RP2: variants seen among roughly 807,000 people sequenced by gnomAD.
RP2 encodes protein XRP2.
A neutral mutation model predicts 20.3 loss-of-function variants in RP2; 3 were observed. The observed-to-expected ratio is 0.15, with a 90% CI of 0.07 to 0.38. RP2 has a LOEUF of 0.38. Ranked by LOEUF, RP2 falls within the 10% of genes least tolerant of loss-of-function variation. The pLI, the probability that RP2 is intolerant of heterozygous loss-of-function variation, is 1.00. For synonymous variants in RP2, 75 were observed against 94.8 expected (o/e 0.79, Z 1.22); for missense variants, 233 against 268.5 (o/e 0.87, Z 0.92).
At chrX:46,864,477 C>T (rs1925132723) in intron 3 of RP2, among the ~76,000 whole-genome samples, 1 of 108,163 alleles carries the variant, frequency 9.2e-6, no homozygotes, top group Non-Finnish European at 1.9e-5. Flanking sequence ...CTCCGGAGCT[C>T]GAGCAATCCT....
chrX:46,863,468 C>T (rs1228729192), intron 3 of RP2, among the ~76,000 whole-genome samples: 9 of 112,009 alleles, frequency 8.0e-5, no homozygotes, highest in African/African-American at 2.3e-4. Flanking sequence ...CTCAGCAGTG[C>T]GCTGATTCCT....
chrX:46,838,552 A>G (rs958027048), intron 1 of RP2, among the ~76,000 whole-genome samples: 4 of 112,922 alleles, frequency 3.5e-5, no homozygotes, highest in African/African-American at 9.6e-5. Context: ...AGAAAGTTGC[A>G]TATTTCATTT....
intron 1 of RP2, among the ~76,000 whole-genome samples, chrX:46,851,701 G>A (rs1924863573): frequency 9.0e-6 from 1 of 111,386 alleles, no homozygotes; most frequent in Non-Finnish European, 1.9e-5. Context: ...GGAGGCCGAG[G>A]CAGGTGGATC....
chrX:46,851,444 C>A (rs1170653262), intron 1 of RP2, among the ~76,000 whole-genome samples: 2 of 107,330 alleles, frequency 1.9e-5, no homozygotes, highest in Non-Finnish European at 3.8e-5. Flanking sequence ...TAAGACCAGC[C>A]CGGCTAACAT....
chrX:46,853,935 C>T lies in RP2; in HGVS notation c.562C>T (p.Leu188Phe), dbSNP rs1309840769. Residue 188 changes from leucine (L) to phenylalanine (F), a missense_variant, in exon 2 of 5, where the codon CTT becomes TTT. Physicochemically the swap from Leu to Phe is conservative, Grantham distance 22. Around this residue, in one of 3 missense-constraint regions of RP2, gnomAD observed 38 missense variants for 72.9 expected, o/e 0.52. Transcript: ENST00000218340. ...TPVSGELNWS[L>F]LPEDAVVQDY... ...TGTGTCAGGAGAACTCAACTGGAGC[C>T]TTCTTCCAGAAGATGCTGTGGTTCA... The T allele has an allele frequency of 8.3e-7, 1 of 1,211,730 alleles. No homozygotes were observed. Among genetic ancestry groups the T allele is most frequent in the South Asian group, 1.8e-5 (1 of 56,986 alleles).
In RP2 at chrX:46,879,830, G is replaced by T. The variant is rs1925441665; in HGVS notation, c.*61G>T. 2 of 688,772 alleles carry T rather than the reference G, an allele frequency of 2.9e-6. No individual in the cohort carries two copies. The highest frequency in any genetic ancestry group is 5.5e-5 in the Admixed American group (2 of 36,331). 56.8% of individuals were successfully genotyped at this position (688,772 alleles called of 1,213,427 possible). A position where few individuals can be genotyped will look rare whatever the true frequency, so the allele number is the denominator to read the frequency against. ...TTCCCAACTTGTGAATATAGAATTT[G>T]ATAATACACTTTTGTGTATTAGCAA... On this transcript the variant is annotated 3_prime_UTR_variant, in exon 5 of 5. Transcript: ENST00000218340.
chrX:46,850,126 G>A (rs1042485180), intron 1 of RP2, among the ~76,000 whole-genome samples: 4 of 112,166 alleles, frequency 3.6e-5, no homozygotes, highest in African/African-American at 1.3e-4. Flanking sequence ...AGCCTGGGAA[G>A]TCCAAGATCA....
At chrX:46,875,588 C>T (rs1236455622) in intron 3 of RP2, among the ~76,000 whole-genome samples, 1 of 111,049 alleles carries the variant, frequency 9.0e-6, no homozygotes, top group African/African-American at 3.3e-5. Context: ...TCATTATGAA[C>T]TCATGACTTT....
chrX:46,872,958 T>TG (rs1241749600), intron 3 of RP2, among the ~76,000 whole-genome samples: 1 of 111,232 alleles, frequency 9.0e-6, no homozygotes, highest in Non-Finnish European at 1.9e-5. Context: ...AGGCTGGTCT[T>TG]GAACTCCTGG....
Position 46,868,367 on chromosome X carries a change from G to GA in RP2, c.883+8275dup, listed in dbSNP as rs1375362782. 1.6e-4 allele frequency among the ~76,000 whole-genome samples: 17 copies of GA among 104,706 alleles called. 1 individual carries two copies. The highest frequency in any genetic ancestry group is 3.0e-4 in the East Asian group (1 of 3,352). The allele number at this position is 104,706 out of a possible 115,157, so 90.9% of individuals were successfully genotyped here. A position where few individuals can be genotyped will look rare whatever the true frequency, so the allele number is the denominator to read the frequency against. On this transcript the variant is annotated intron_variant, in intron 3 of 4. Transcript: ENST00000218340. Reference sequence around the variant, plus strand: ...TAATGAGACTTTGTCTCTACAAAAAGAAAAAAAAAATGAGCCGAGCATGGT... The same window carrying GA: ...TAATGAGACTTTGTCTCTACAAAAAGAAAAAAAAAAATGAGCCGAGCATGGT...
Position 46,847,743 on chromosome X carries a change from T to TATGTGTGTGTGTATATACACAC in RP2, c.103-5719_103-5698dup, listed in dbSNP as rs1414715929. Among the ~76,000 whole-genome samples, 314 of 87,107 alleles carry TATGTGTGTGTGTATATACACAC rather than the reference T, an allele frequency of 3.6e-3. 3 individuals are homozygous for TATGTGTGTGTGTATATACACAC. Among genetic ancestry groups the TATGTGTGTGTGTATATACACAC allele is most frequent in the Non-Finnish European group, 6.2e-3 (283 of 45,822 alleles). The allele number at this position is 87,107 out of a possible 115,157, so 75.6% of individuals were successfully genotyped here. A position where few individuals can be genotyped will look rare whatever the true frequency, so the allele number is the denominator to read the frequency against. On this transcript the variant is annotated intron_variant, in intron 1 of 4. Coordinates refer to ENST00000218340, the MANE Select transcript of RP2 (RefSeq NM_006915.3). ...ATATGTGTGTGTGTATATACACACA[T>TATGTGTGTGTGTATATACACAC]ATGTGTGTGTGTATATACACACATG... is the stretch of plus-strand genomic sequence containing the variant.
chrX:46,872,427 CT>C (rs1261133318), intron 3 of RP2, among the ~76,000 whole-genome samples: 1 of 111,859 alleles, frequency 8.9e-6, no homozygotes, highest in Admixed American at 9.5e-5. Flanking sequence ...CTTATTACCT[CT>C]TTTTCTTTTT....
intron 1 of RP2, among the ~76,000 whole-genome samples, chrX:46,847,779 C>CACACATATGTGTGTGTGTATATAT (rs1569531400): frequency 1.2e-5 from 1 of 81,980 alleles, no homozygotes; most frequent in Non-Finnish European, 2.3e-5. Context: ...TGTGTGTGTA[C>CACACATATGTGTGTGTGTATATAT]ATACACACAT....
At chrX:46,871,854 G>T (rs1925297529) in intron 3 of RP2, among the ~76,000 whole-genome samples, 1 of 112,171 alleles carries the variant, frequency 8.9e-6, no homozygotes, top group African/African-American at 3.2e-5. Context: ...GTCAGGTTTT[G>T]TCTCATGTAT....
chrX:46,860,371 ATTG>A (rs1395594888), intron 3 of RP2, among the ~76,000 whole-genome samples: 1 of 110,462 alleles, frequency 9.1e-6, no homozygotes, highest in African/African-American at 3.3e-5. Flanking sequence ...TATCATTTTA[ATTG>A]TTGTATTATT....
chrX:46,863,960 C>A (rs1436106282), intron 3 of RP2, among the ~76,000 whole-genome samples: 1 of 111,712 alleles, frequency 9.0e-6, no homozygotes, highest in African/African-American at 3.3e-5. Context: ...CATTGTTTTC[C>A]ATCATGAGGA....
chrX:46,879,568 ATGTACT>A (rs1206715564), intron 4 of RP2, 112 bp from the exon 5 acceptor site: 5 of 456,339 alleles, frequency 1.1e-5, no homozygotes, highest in African/African-American at 2.5e-5. Context: ...ATTATAAATG[ATGTACT>A]TGAACTTCTT....
chrX:46,878,718 A>G (rs1925417454), intron 4 of RP2, among the ~76,000 whole-genome samples: 1 of 111,417 alleles, frequency 9.0e-6, no homozygotes, highest in Admixed American at 9.6e-5. Context: ...TTAGAGCTGA[A>G]TGATTTAGAG....
chrX:46,846,844 C>T (rs1340388765), intron 1 of RP2, among the ~76,000 whole-genome samples: 5 of 110,767 alleles, frequency 4.5e-5, no homozygotes, highest in African/African-American at 1.6e-4. Flanking sequence ...CCACTTCAGC[C>T]TCCCAAGTAG....
Sources: gnomAD v4.1 joint callset for allele counts (sites outside exome capture counted in the v4.1 genomes callset) on GRCh38, gnomAD v4.1.1 for gene constraint, gnomAD v4.1.1 regional missense constraint, MANE v1.5 for transcripts, NCBI Gene and HGNC (gene_info 2026-07-23, HGNC 2026-07-21) for gene names.